The following XIRP2 variants were observed in gnomAD, a reference collection of about 807,000 sequenced individuals.
XIRP2 encodes xin actin-binding repeat-containing protein 2.
XIRP2 carries 236 observed loss-of-function variants against 277.0 expected under a neutral mutation model. The observed-to-expected ratio is 0.85, with a 90% CI of 0.77 to 0.95. XIRP2 has a LOEUF of 0.95. Among genes scored for constraint, XIRP2 ranks in the 40% least tolerant of loss-of-function variants. The probability of loss-of-function intolerance (pLI) is 0.00; values close to 1 mark genes in which losing one functional copy is unlikely to be tolerated. For missense variants in XIRP2, 4,640 were observed against 4,157.5 expected, an observed-to-expected ratio of 1.12 and a Z score of -3.19; for synonymous variants, 1,490 against 1,416.5, an observed-to-expected ratio of 1.05 and a Z score of -1.17.
intron 2 of XIRP2, among the ~76,000 whole-genome samples, chr2:166,980,574 G>A (rs920965687): frequency 2.0e-5 from 3 of 151,956 alleles, no homozygotes; most frequent in African/African-American, 7.3e-5. Context: ...CCGCCACCAC[G>A]TCTGGCTAAT....
chr2:167,147,154 A>T (rs1179063577), intron 3 of XIRP2, among the ~76,000 whole-genome samples: 1 of 152,210 alleles, frequency 6.6e-6, no homozygotes, highest in East Asian at 1.9e-4. Flanking sequence ...CAGAAAAAGT[A>T]ATTTGAGATA....
At chr2:166,984,865 A>C (rs1686961432) in intron 2 of XIRP2, among the ~76,000 whole-genome samples, 1 of 152,242 alleles carries the variant, frequency 6.6e-6, no homozygotes, top group Non-Finnish European at 1.5e-5. Context: ...ATGTGTTTAC[A>C]GGCTGGTGAG....
chr2:166,976,117 T>C (rs180961425), intron 2 of XIRP2, among the ~76,000 whole-genome samples: 1 of 152,194 alleles, frequency 6.6e-6, no homozygotes, highest in African/African-American at 2.4e-5. Context: ...GAAGATAAGC[T>C]TTCTATCTAA....
intron 1 of XIRP2, among the ~76,000 whole-genome samples, chr2:166,891,501 G>C (rs1201499455): frequency 6.6e-6 from 1 of 152,014 alleles, no homozygotes; most frequent in Non-Finnish European, 1.5e-5. Context: ...CTTTAGTTAA[G>C]TTTTTTCCTT....
At chr2:167,077,694 T>C (rs1449948764) in intron 2 of XIRP2, among the ~76,000 whole-genome samples, 1 of 151,994 alleles carries the variant, frequency 6.6e-6, no homozygotes, top group African/African-American at 2.4e-5. Context: ...GAACAGCAAG[T>C]GCTAAGGCCT....
chr2:167,068,946 A>G lies in XIRP2; in HGVS notation c.409-66963A>G, dbSNP rs77960580. On this transcript the variant is annotated intron_variant, in intron 2 of 10. Coordinates refer to ENST00000409195, the MANE Select transcript of XIRP2 (RefSeq NM_152381.6). ...GCCTAGGGAAGCCAAAAGATTGGAC[A>G]CCTCTGCCTAGAGAGTCTTATCTTC... 2.1e-3 allele frequency among the ~76,000 whole-genome samples: 324 copies of G among 152,250 alleles called. 14 individuals carry two copies. In the East Asian group the frequency reaches 0.056, roughly 26 times the overall value.
chr2:167,191,064 C>A lies in XIRP2; in HGVS notation c.563-19671C>A, dbSNP rs114614556. On this transcript the variant is annotated intron_variant, in intron 3 of 10. Coordinates refer to ENST00000409195, the MANE Select transcript of XIRP2 (RefSeq NM_152381.6). ...CTGAGCATGGTGACATGCATGCCTG[C>A]AGTCTCAGCTACTTGGGAGGTTGAG... is the stretch of plus-strand genomic sequence containing the variant. 5.5e-3 allele frequency among the ~76,000 whole-genome samples: 828 copies of A among 151,596 alleles called. 7 individuals carry two copies. Among genetic ancestry groups the A allele is most frequent in the African/African-American group, 0.019 (793 of 41,358 alleles).
chr2:167,130,981 A>G (rs1165284805), intron 2 of XIRP2, among the ~76,000 whole-genome samples: 1 of 152,042 alleles, frequency 6.6e-6, no homozygotes, highest in Non-Finnish European at 1.5e-5. Flanking sequence ...GCACTGCCAC[A>G]GTCATCTTTA....
chr2:167,200,647 G>A (rs989936851), intron 3 of XIRP2, among the ~76,000 whole-genome samples: 2 of 152,088 alleles, frequency 1.3e-5, no homozygotes, highest in Non-Finnish European at 1.5e-5. Context: ...TAGAAATAAG[G>A]TCAGATCAAT....
intron 3 of XIRP2, among the ~76,000 whole-genome samples, chr2:167,190,740 A>C (rs1286855407): frequency 6.6e-6 from 1 of 152,208 alleles, no homozygotes; most frequent in African/African-American, 2.4e-5. Flanking sequence ...CAGCAAATGC[A>C]ATCAATTACG....
At chr2:166,892,818 T>C (rs1181598300) in intron 1 of XIRP2, among the ~76,000 whole-genome samples, 3 of 148,644 alleles carry the variant, frequency 2.0e-5, no homozygotes, top group Non-Finnish European at 4.5e-5. Flanking sequence ...GATATATATA[T>C]ATATATATAA....
intron 2 of XIRP2, among the ~76,000 whole-genome samples, chr2:166,909,823 T>C (rs1010170917): frequency 6.6e-6 from 1 of 152,118 alleles, no homozygotes; most frequent in African/African-American, 2.4e-5. Context: ...TAGCATGAAG[T>C]GCTGTTGAAT....
At chr2:167,100,940 A>T (rs566042887) in intron 2 of XIRP2, among the ~76,000 whole-genome samples, 2 of 152,248 alleles carry the variant, frequency 1.3e-5, no homozygotes, top group African/African-American at 4.8e-5. Flanking sequence ...TTTTTGTCCG[A>T]CTTTCTTTTG....
rs139477066 is a variant in XIRP2 at position 167,047,094 on chromosome 2, T to G, written c.409-88815T>G. 4.7e-5 allele frequency among the ~76,000 whole-genome samples: 7 copies of G among 149,950 alleles called. No individual in the cohort carries two copies. In the East Asian group the frequency reaches 1.4e-3, roughly 30 times the overall value. Reference sequence around the variant, plus strand: ...AACTACTGTTAACATAGTATTAGAGTTTTAGGTCAATGGTCTTACGGGAAA... The same window carrying G: ...AACTACTGTTAACATAGTATTAGAGGTTTAGGTCAATGGTCTTACGGGAAA... On this transcript the variant is annotated intron_variant, in intron 2 of 10. Coordinates refer to ENST00000409195, the MANE Select transcript of XIRP2 (RefSeq NM_152381.6).
chr2:167,046,616 A>C (rs13031992), intron 2 of XIRP2, among the ~76,000 whole-genome samples: 49,686 of 151,814 alleles, frequency 0.33, 9,720 homozygotes, highest in African/African-American at 0.53. Context: ...AAATAATGCC[A>C]TTTACAGCAA....
chr2:166,919,769 C>G (rs949534460), intron 2 of XIRP2, among the ~76,000 whole-genome samples: 6 of 151,742 alleles, frequency 4.0e-5, no homozygotes, highest in Non-Finnish European at 7.4e-5. Flanking sequence ...AAACAAAAAC[C>G]AGGAGCTCCA....
At chr2:166,932,014 T>A (rs573333497) in intron 2 of XIRP2, among the ~76,000 whole-genome samples, 6 of 152,328 alleles carry the variant, frequency 3.9e-5, no homozygotes, top group African/African-American at 1.2e-4. Flanking sequence ...TAACTAATGA[T>A]GTTAACCACT....
chr2:167,027,271 T>G (rs1688191981), intron 2 of XIRP2, among the ~76,000 whole-genome samples: 1 of 152,144 alleles, frequency 6.6e-6, no homozygotes, highest in Non-Finnish European at 1.5e-5. Flanking sequence ...CCATCACTGA[T>G]ACCCTTTCTT....
chr2:167,168,775 C>T (rs184395871), intron 3 of XIRP2, among the ~76,000 whole-genome samples: 3 of 151,896 alleles, frequency 2.0e-5, no homozygotes, highest in Admixed American at 6.6e-5. Flanking sequence ...CCACCACGCC[C>T]GGCTAATTTT....
Sources: allele counts gnomAD v4.1 joint callset (sites outside exome capture counted in the v4.1 genomes callset), GRCh38; gene constraint gnomAD v4.1.1; transcripts MANE v1.5; gene names NCBI Gene and HGNC (gene_info 2026-07-23, HGNC 2026-07-21).